The following MGAT5B variants were observed in gnomAD, a reference collection of about 807,000 sequenced individuals.
MGAT5B encodes N-acetylglucosaminyl-transferase Vb.
In MGAT5B, 54 loss-of-function variants were observed where a neutral mutation model predicts 95.1. The observed-to-expected ratio is 0.57, with a 90% CI of 0.46 to 0.71. The LOEUF is 0.71. Among genes scored for constraint, MGAT5B ranks in the 30% least tolerant of loss-of-function variants. MGAT5B has a pLI of 0.00. For missense variants in MGAT5B, 935 were observed against 1,088.6 expected, an observed-to-expected ratio of 0.86 and a Z score of 1.99; for synonymous variants, 464 against 451.0, an observed-to-expected ratio of 1.03 and a Z score of -0.36.
rs1483040564 is a variant in MGAT5B at position 76,870,552 on chromosome 17, C to T, written c.68+1455C>T. Among the ~76,000 whole-genome samples the T allele has an allele frequency of 6.6e-6, 1 of 152,210 alleles. No homozygotes were observed. Among genetic ancestry groups the T allele is most frequent in the African/African-American group, 2.4e-5 (1 of 41,466 alleles). ...CGCGATTGGAAGCAGCCGCGAGACCCCAGCACCACGGACAGTGCTCGCGAC... is the reference window on the plus strand; with the variant it reads ...CGCGATTGGAAGCAGCCGCGAGACCTCAGCACCACGGACAGTGCTCGCGAC... On this transcript the variant is annotated intron_variant, in intron 1 of 17. Coordinates refer to ENST00000569840, the MANE Select transcript of MGAT5B (RefSeq NM_001199172.2). The surrounding 1 kb of genome is among the most constrained non-coding windows in gnomAD (Gnocchi z 5.0).
intron 12 of MGAT5B, 141 bp downstream of exon 12, chr17:76,933,438 G>T: frequency 9.1e-7 from 1 of 1,094,690 alleles, no homozygotes; most frequent in East Asian, 2.4e-5. Flanking sequence ...GGACCAAGGT[G>T]GGGAAGAGGG....
intron 8 of MGAT5B, among the ~76,000 whole-genome samples, chr17:76,913,242 G>A (rs986603927): frequency 6.6e-6 from 1 of 152,208 alleles, no homozygotes; most frequent in Admixed American, 6.5e-5. Context: ...GACTCCATCT[G>A]CTTCCTCCCG....
At chr17:76,911,459 G>C (rs887363193) in intron 8 of MGAT5B, among the ~76,000 whole-genome samples, 1 of 152,210 alleles carries the variant, frequency 6.6e-6, no homozygotes. Context: ...TTAGTGGGGG[G>C]TTGGGCCACA....
chr17:76,932,554 A>G (rs1163921540), intron 10 of MGAT5B, 91 bp from the exon 11 acceptor site: 3 of 1,564,682 alleles, frequency 1.9e-6, no homozygotes, highest in African/African-American at 2.7e-5. Context: ...CCCTGCCAAA[A>G]GAGGACCTCT....
chr17:76,933,163 A>G (rs1012066032), intron 11 of MGAT5B, 129 bp from the exon 12 acceptor site: 2 of 1,112,802 alleles, frequency 1.8e-6, no homozygotes, highest in African/African-American at 3.1e-5. Context: ...AGAGGCTTAG[A>G]GATTAGAACC....
In MGAT5B at chr17:76,924,959, C is replaced by T. The variant is rs777817714; in HGVS notation, c.1026-7C>T. ...GGGGCCCAGAATCTGAAGGGCTCTT[C>T]TCTCAGTAACTTAGGGGTACCGCCA... On this transcript the variant is annotated splice_region_variant and splice_polypyrimidine_tract_variant and intron_variant, in intron 8 of 17. Transcript: ENST00000569840. The T allele has an allele frequency of 4.3e-6, 7 of 1,611,944 alleles. No individual in the cohort carries two copies. Among genetic ancestry groups the T allele is most frequent in the Middle Eastern group, 1.6e-4 (1 of 6,076 alleles).
chr17:76,901,390 G>A (rs1032465263), intron 3 of MGAT5B, among the ~76,000 whole-genome samples: 3 of 141,520 alleles, frequency 2.1e-5, no homozygotes, highest in Non-Finnish European at 4.5e-5. Flanking sequence ...AAAGGAAACC[G>A]AATTAATGTG....
At position 76,880,063 on chromosome 17, in the gene MGAT5B, G is replaced by T. The variant is rs112021417; in HGVS notation, c.182-2088G>T. Among the ~76,000 whole-genome samples the T allele has an allele frequency of 5.9e-5, 9 of 152,292 alleles. 1 individual carries two copies. The highest frequency in any genetic ancestry group is 1.9e-4 in the African/African-American group (8 of 41,568). On this transcript the variant is annotated intron_variant, in intron 2 of 17. Transcript: ENST00000569840. ...CTCTGTTTTCCGTAGAGGGACTTGT[G>T]GGGAGGTCCTTTGCTGCTTCAGCTC...
chr17:76,901,232 A>G (rs981399559), intron 3 of MGAT5B, among the ~76,000 whole-genome samples: 7 of 152,072 alleles, frequency 4.6e-5, no homozygotes, highest in Admixed American at 1.3e-4. Context: ...AGAGGAGGAG[A>G]GGTGGGGTTT....
At chr17:76,943,063 C>T (rs1027718967) in intron 15 of MGAT5B, among the ~76,000 whole-genome samples, 11 of 151,692 alleles carry the variant, frequency 7.3e-5, no homozygotes, top group East Asian at 3.9e-4. Context: ...AAAGCGGGGT[C>T]GGGGGAGGGC....
At chr17:76,892,627 T>C (rs1488008361) in intron 3 of MGAT5B, among the ~76,000 whole-genome samples, 1 of 152,248 alleles carries the variant, frequency 6.6e-6, no homozygotes, top group Non-Finnish European at 1.5e-5. Flanking sequence ...TGAAAGGATA[T>C]GGATGAAAAT....
rs769520233 is a variant in MGAT5B at position 76,948,879 on chromosome 17, C to T, written c.*41C>T. On this transcript the variant is annotated 3_prime_UTR_variant, in exon 18 of 18. Coordinates refer to ENST00000569840, the MANE Select transcript of MGAT5B (RefSeq NM_001199172.2). ...CCTGCCTGGCACCCACGCTGGCTCT[C>T]TCCTGCCGCGGGAGAAAGCACCAGC... 9 of 1,522,100 alleles carry T rather than the reference C, an allele frequency of 5.9e-6. No individual in the cohort carries two copies. The highest frequency in any genetic ancestry group is 7.9e-6 in the Non-Finnish European group (9 of 1,132,078). The allele number at this position is 1,522,100 out of a possible 1,614,324, so 94.3% of individuals were successfully genotyped here.
Position 76,950,208 on chromosome 17 carries a change from G to T in MGAT5B, c.*1370G>T, listed in dbSNP as rs1363666824. The T allele has an allele frequency of 6.6e-6, 1 of 152,612 alleles. No individual in the cohort carries two copies. Among genetic ancestry groups the T allele is most frequent in the Admixed American group, 6.5e-5 (1 of 15,286 alleles). 9.5% of individuals were successfully genotyped at this position (152,612 alleles called of 1,614,324 possible). On this transcript the variant is annotated 3_prime_UTR_variant, in exon 18 of 18. Transcript: ENST00000569840. ...GGGGCCAGGCTGGACGCTTCCTGTG[G>T]GAGTCCCCTCCAGACCTGGCTGGCC... is the stretch of plus-strand genomic sequence containing the variant.
At chr17:76,896,930 T>C (rs1968082776) in intron 3 of MGAT5B, among the ~76,000 whole-genome samples, 1 of 152,096 alleles carries the variant, frequency 6.6e-6, no homozygotes, top group Admixed American at 6.5e-5. Context: ...TCTCTCTCTT[T>C]TTTTTTTAAA....
intron 3 of MGAT5B, among the ~76,000 whole-genome samples, chr17:76,885,781 A>G (rs940621797): frequency 1.3e-5 from 2 of 152,160 alleles, no homozygotes; most frequent in Non-Finnish European, 2.9e-5. Flanking sequence ...GCCTGCTCAC[A>G]CGCTCCCGTG....
chr17:76,884,394 G>A (rs1282204148), intron 3 of MGAT5B, among the ~76,000 whole-genome samples: 1 of 152,074 alleles, frequency 6.6e-6, no homozygotes, highest in African/African-American at 2.4e-5. Flanking sequence ...GTTATATGTG[G>A]TTTGGTTTTT....
chr17:76,930,690 C>T lies in MGAT5B; in HGVS notation c.1292-1955C>T, dbSNP rs78666839. ...ATTGGAGCGTGAGATCAAACATGTTCCCTGGCCTTGGTGTGTAGGAGGGTG... is the reference window on the plus strand; with the variant it reads ...ATTGGAGCGTGAGATCAAACATGTTTCCTGGCCTTGGTGTGTAGGAGGGTG... On this transcript the variant is annotated intron_variant, in intron 10 of 17. Transcript: ENST00000569840. The surrounding 1 kb of genome is among the most constrained non-coding windows in gnomAD (Gnocchi z 4.1). 0.02 allele frequency among the ~76,000 whole-genome samples: 3,058 copies of T among 152,270 alleles called. 108 individuals are homozygous for T. Among genetic ancestry groups the T allele is most frequent in the African/African-American group, 0.071 (2,929 of 41,538 alleles).
At chr17:76,908,272 C>CTTTTTT (rs34430112) in intron 8 of MGAT5B, among the ~76,000 whole-genome samples, 2 of 128,276 alleles carry the variant, frequency 1.6e-5, no homozygotes, top group African/African-American at 3.0e-5. Context: ...CTCTTTCTTT[C>CTTTTTT]TTCTTTTTTT....
intron 2 of MGAT5B, among the ~76,000 whole-genome samples, chr17:76,874,765 G>A (rs1967125781): frequency 6.6e-6 from 1 of 152,148 alleles, no homozygotes; most frequent in Non-Finnish European, 1.5e-5. Context: ...GTGCCCCAGA[G>A]TGCAAGGGGT....
Sources: allele counts gnomAD v4.1 joint callset (sites outside exome capture counted in the v4.1 genomes callset), GRCh38; gene constraint gnomAD v4.1.1; non-coding constraint Gnocchi (gnomAD v3.1); transcripts MANE v1.5; gene names NCBI Gene and HGNC (gene_info 2026-07-23, HGNC 2026-07-21).